The following GRM7 variants were observed in gnomAD, a reference collection of about 807,000 sequenced individuals.
The protein encoded by GRM7 is metabotropic glutamate receptor 7.
A neutral mutation model predicts 84.5 loss-of-function variants in GRM7; 35 were observed. The ratio of observed to expected loss-of-function variants is 0.41; its 90% CI spans 0.32 to 0.55. The LOEUF (loss-of-function observed/expected upper bound fraction) is 0.55, where lower values mean the gene tolerates loss of function less well. GRM7 is among the 20% of genes least tolerant of loss of function. The pLI is 0.19. For missense variants in GRM7, 1,003 were observed against 1,194.6 expected, an observed-to-expected ratio of 0.84 and a Z score of 2.36; for synonymous variants, 487 against 455.1, an observed-to-expected ratio of 1.07 and a Z score of -0.89.
intron 1 of GRM7, among the ~76,000 whole-genome samples, chr3:7,062,947 A>T (rs1697484104): frequency 6.6e-6 from 1 of 151,738 alleles, no homozygotes; most frequent in South Asian, 2.1e-4. Flanking sequence ...GTTGAAGGAA[A>T]TAATAAGTTC....
intron 7 of GRM7, among the ~76,000 whole-genome samples, chr3:7,558,446 C>A (rs1326222479): frequency 6.6e-6 from 1 of 151,982 alleles, no homozygotes; most frequent in Non-Finnish European, 1.5e-5. Context: ...AAAAGACGGG[C>A]CTGTAGATTT....
At chr3:7,579,785 C>G (rs1023684302) in intron 8 of GRM7, among the ~76,000 whole-genome samples, 2 of 152,176 alleles carry the variant, frequency 1.3e-5, no homozygotes, top group Non-Finnish European at 2.9e-5. Flanking sequence ...TGCTCTCTCG[C>G]TCTTCCAAGT....
chr3:7,306,284 T>C (rs1700191793), intron 3 of GRM7, among the ~76,000 whole-genome samples: 1 of 152,224 alleles, frequency 6.6e-6, no homozygotes, highest in South Asian at 2.1e-4. Flanking sequence ...CTTTTAACAA[T>C]TACTATTACT....
chr3:7,523,446 G>T (rs947641086), intron 7 of GRM7, among the ~76,000 whole-genome samples: 4 of 152,120 alleles, frequency 2.6e-5, no homozygotes, highest in Admixed American at 6.5e-5. Flanking sequence ...TGCTAGGCCG[G>T]ACTTTAATGC....
intron 1 of GRM7, among the ~76,000 whole-genome samples, chr3:6,881,765 C>T (rs1344537154): frequency 6.6e-6 from 1 of 152,060 alleles, no homozygotes; most frequent in African/African-American, 2.4e-5. Context: ...TTCTGTGGGC[C>T]AGTAAGCAGT....
At position 7,350,074 on chromosome 3, in the gene GRM7, C is replaced by A. The variant is rs190286753; in HGVS notation, c.1033+43422C>A. ...AGCAGGTCATTGCTGGGATTATTGA[C>A]CCTTGCGTAAGTACCTAATCACAAA... On this transcript the variant is annotated intron_variant, in intron 4 of 9. Coordinates refer to ENST00000357716, the MANE Select transcript of GRM7 (RefSeq NM_000844.4). 2.3e-3 allele frequency among the ~76,000 whole-genome samples: 353 copies of A among 152,180 alleles called. 4 individuals carry two copies. Among genetic ancestry groups the A allele is most frequent in the African/African-American group, 8.1e-3 (337 of 41,544 alleles).
At position 6,948,068 on chromosome 3, in the gene GRM7, T is replaced by C. The variant is rs141157034; in HGVS notation, c.519+86161T>C. Among the ~76,000 whole-genome samples the C allele has an allele frequency of 4.6e-3, 708 of 152,358 alleles. 5 individuals are homozygous for C. Among genetic ancestry groups the C allele is most frequent in the African/African-American group, 0.016 (683 of 41,580 alleles). On this transcript the variant is annotated intron_variant, in intron 1 of 9. Transcript: ENST00000357716. ...GTCTCTATTTCCTTCAGTTCTGCTC[T>C]GATTTTAGTTATTTCTTGCCTTCTT...
intron 8 of GRM7, among the ~76,000 whole-genome samples, chr3:7,663,141 G>A (rs1559472593): frequency 6.6e-6 from 1 of 152,202 alleles, no homozygotes. Flanking sequence ...GGGAACACAA[G>A]TGCAGGAGGT....
intron 2 of GRM7, among the ~76,000 whole-genome samples, chr3:7,260,961 T>G (rs776234536): frequency 3.3e-5 from 5 of 152,206 alleles, no homozygotes; most frequent in South Asian, 2.1e-4. Flanking sequence ...ATTTATGTCT[T>G]AATTTTATTA....
In GRM7 at chr3:7,697,337, G is replaced by T. The variant is rs141172214; in HGVS notation, c.2698+17042G>T. ...TTCAGCATCTTTTTTTTATCTTCAG[G>T]GTATCTCACTGAGGTAGGTGTCATT... On this transcript the variant is annotated intron_variant, in intron 9 of 9. Coordinates refer to ENST00000357716, the MANE Select transcript of GRM7 (RefSeq NM_000844.4). 5.4e-3 allele frequency among the ~76,000 whole-genome samples: 824 copies of T among 151,668 alleles called. 9 individuals are homozygous for T. The highest frequency in any genetic ancestry group is 0.017 in the African/African-American group (717 of 41,336).
chr3:7,505,416 G>A (rs1408894759), intron 7 of GRM7, among the ~76,000 whole-genome samples: 1 of 152,214 alleles, frequency 6.6e-6, no homozygotes, highest in African/African-American at 2.4e-5. Context: ...GCTCTTAGCA[G>A]CAGCTTTGAC....
intron 8 of GRM7, among the ~76,000 whole-genome samples, chr3:7,679,827 G>A (rs1700289771): frequency 6.6e-6 from 1 of 152,112 alleles, no homozygotes; most frequent in Non-Finnish European, 1.5e-5. Flanking sequence ...CTTCTGTAGG[G>A]CAAGCATGTG....
chr3:7,612,427 G>A (rs1306923081), intron 8 of GRM7, among the ~76,000 whole-genome samples: 2 of 152,168 alleles, frequency 1.3e-5, no homozygotes, highest in African/African-American at 4.8e-5. Context: ...CTGCCTTTGA[G>A]GAGGAAACTC....
intron 7 of GRM7, among the ~76,000 whole-genome samples, 178 bp downstream of exon 7, chr3:7,461,900 T>C (rs911029565): frequency 6.6e-6 from 1 of 152,168 alleles, no homozygotes; most frequent in Non-Finnish European, 1.5e-5. Context: ...ATGACGATGA[T>C]GGGAAATGTG....
At chr3:7,503,372 T>C (rs1699940899) in intron 7 of GRM7, among the ~76,000 whole-genome samples, 1 of 151,546 alleles carries the variant, frequency 6.6e-6, no homozygotes, top group Non-Finnish European at 1.5e-5. Context: ...ACCAAGAGAA[T>C]AAAATGTGCA....
intron 3 of GRM7, among the ~76,000 whole-genome samples, chr3:7,302,344 A>G (rs903143059): frequency 2.0e-5 from 3 of 152,196 alleles, no homozygotes; most frequent in Non-Finnish European, 2.9e-5. Context: ...TACAATTCAT[A>G]TTATAGATTA....
chr3:6,893,434 T>C (rs1238361053), intron 1 of GRM7, among the ~76,000 whole-genome samples: 5 of 152,194 alleles, frequency 3.3e-5, no homozygotes, highest in Admixed American at 3.3e-4. Flanking sequence ...ACTCATAACG[T>C]GAATCCTAAT....
intron 1 of GRM7, among the ~76,000 whole-genome samples, chr3:6,898,239 GT>G (rs1696258518): frequency 1.3e-5 from 2 of 152,250 alleles, no homozygotes; most frequent in Non-Finnish European, 2.9e-5. Flanking sequence ...CAAGTAGTTA[GT>G]GCTTATTTGG....
intron 4 of GRM7, among the ~76,000 whole-genome samples, chr3:7,346,576 A>T (rs1692904562): frequency 6.6e-6 from 1 of 152,144 alleles, no homozygotes; most frequent in African/African-American, 2.4e-5. Flanking sequence ...CTATAACTGC[A>T]ATGGTGTGGG....
Sources: gnomAD v4.1 joint callset for allele counts (sites outside exome capture counted in the v4.1 genomes callset) on GRCh38, gnomAD v4.1.1 for gene constraint, MANE v1.5 for transcripts, NCBI Gene and HGNC (gene_info 2026-07-23, HGNC 2026-07-21) for gene names.